FAM110B: variants seen among roughly 807,000 people sequenced by gnomAD.
FAM110B encodes the protein protein FAM110B.
In FAM110B, 6 loss-of-function variants were observed where a neutral mutation model predicts 20.4. The observed-to-expected ratio is 0.29, with a 90% CI of 0.16 to 0.58. The LOEUF is 0.58. FAM110B is among the 20% of genes least tolerant of loss of function. FAM110B has a pLI of 0.90. For missense variants in FAM110B, 434 were observed against 498.2 expected (o/e 0.87, Z 1.23); for synonymous variants, 226 against 214.1 (o/e 1.06, Z -0.49).
chr8:58,115,969 T>G (rs1807199670), intron 3 of FAM110B, among the ~76,000 whole-genome samples: 1 of 152,216 alleles, frequency 6.6e-6, no homozygotes, highest in Non-Finnish European at 1.5e-5. Context: ...CCTGGCCAGT[T>G]CGTTCACTTG....
At chr8:58,029,712 C>T (rs910282660) in intron 1 of FAM110B, among the ~76,000 whole-genome samples, 1 of 152,138 alleles carries the variant, frequency 6.6e-6, no homozygotes, top group Non-Finnish European at 1.5e-5. Context: ...CCACTCTGGG[C>T]TTTCTTTTTC....
intron 1 of FAM110B, among the ~76,000 whole-genome samples, chr8:58,009,388 A>G (rs963433324): frequency 2.0e-5 from 3 of 152,232 alleles, no homozygotes; most frequent in African/African-American, 7.2e-5. Flanking sequence ...TTCACTGTAC[A>G]GTGTAGGGGC....
intron 3 of FAM110B, among the ~76,000 whole-genome samples, chr8:58,088,383 T>G (rs907323074): frequency 6.6e-6 from 1 of 152,208 alleles, no homozygotes; most frequent in Admixed American, 6.5e-5. Flanking sequence ...ATATATCTAG[T>G]TTAAAACTCC....
chr8:58,038,993 A>G (rs933481135), intron 2 of FAM110B, among the ~76,000 whole-genome samples: 2 of 152,244 alleles, frequency 1.3e-5, no homozygotes, highest in African/African-American at 2.4e-5. Context: ...TGAGAAGCAC[A>G]TAGTTAAGCC....
rs200432395 is a variant in FAM110B, at chr8:58,041,936, TC to T, written c.-414+10234del. Among the ~76,000 whole-genome samples, 492 of 152,354 alleles carry T rather than the reference TC, an allele frequency of 3.2e-3. 4 individuals are homozygous for T. Among genetic ancestry groups the T allele is most frequent in the African/African-American group, 0.011 (459 of 41,576 alleles). On this transcript the variant is annotated intron_variant, in intron 2 of 3. Coordinates refer to ENST00000519262, the MANE Select transcript of FAM110B (RefSeq NM_001377989.1). ...AATTATTTCCTTGAACTCTGATTTT[TC>T]TTAGATGAAATAAGCAGGGTTCTCG... is the stretch of plus-strand genomic sequence containing the variant.
chr8:58,124,095 G>A (rs933596977), intron 3 of FAM110B, among the ~76,000 whole-genome samples: 31 of 152,206 alleles, frequency 2.0e-4, no homozygotes, highest in Admixed American at 6.5e-5. Flanking sequence ...TGTCAACCTA[G>A]TGAAGGAGAC....
Position 58,147,371 on chromosome 8 carries a change from G to C in FAM110B, c.*28G>C. On this transcript the variant is annotated 3_prime_UTR_variant, in exon 4 of 4. Coordinates refer to ENST00000519262, the MANE Select transcript of FAM110B (RefSeq NM_001377989.1). ...CAGTGCGTGGAAAGGAGGGAGCGTG[G>C]GTCTCTGTGCTTACGCAGTTGTGAA... 6.3e-7 allele frequency: 1 copy of C among 1,595,940 alleles called. No homozygotes were observed. Among genetic ancestry groups the C allele is most frequent in the Non-Finnish European group, 8.5e-7 (1 of 1,170,290 alleles).
At chr8:58,058,191 T>C (rs1805586044) in intron 2 of FAM110B, among the ~76,000 whole-genome samples, 1 of 152,216 alleles carries the variant, frequency 6.6e-6, no homozygotes, top group South Asian at 2.1e-4. Flanking sequence ...AAGAAGTAGC[T>C]GGATCTTAAT....
At chr8:58,145,023 G>T (rs75745670) in intron 3 of FAM110B, among the ~76,000 whole-genome samples, 5,965 of 152,286 alleles carry the variant, frequency 0.039, 175 homozygotes, top group Non-Finnish European at 0.056. Flanking sequence ...TTTTAGGTAT[G>T]ATTGGACACT....
chr8:57,995,280 A>G (rs1483109030), intron 1 of FAM110B, among the ~76,000 whole-genome samples: 1 of 152,046 alleles, frequency 6.6e-6, no homozygotes, highest in Non-Finnish European at 1.5e-5. Context: ...AATGGTCTCT[A>G]ATCTCGGTGT....
intron 2 of FAM110B, among the ~76,000 whole-genome samples, chr8:58,063,868 T>C (rs1056872958): frequency 1.3e-5 from 2 of 152,244 alleles, no homozygotes; most frequent in Admixed American, 6.5e-5. Flanking sequence ...TGTATTAGTC[T>C]GTGCTCGCAT....
chr8:58,022,817 A>G (rs1348992676), intron 1 of FAM110B, among the ~76,000 whole-genome samples: 1 of 152,228 alleles, frequency 6.6e-6, no homozygotes, highest in East Asian at 1.9e-4. Flanking sequence ...AGAAGGCTCC[A>G]ATTATACTTC....
chr8:58,030,830 C>T (rs1205391946), intron 1 of FAM110B, among the ~76,000 whole-genome samples: 1 of 152,142 alleles, frequency 6.6e-6, no homozygotes, highest in African/African-American at 2.4e-5. Context: ...TTAGCATTGC[C>T]AGCTGTCCCG....
At chr8:58,132,564 A>G (rs1803502218) in intron 3 of FAM110B, among the ~76,000 whole-genome samples, 1 of 152,180 alleles carries the variant, frequency 6.6e-6, no homozygotes, top group African/African-American at 2.4e-5. Context: ...CAGGCAAGTC[A>G]TTGAGACCCT....
intron 3 of FAM110B, among the ~76,000 whole-genome samples, chr8:58,118,789 A>G (rs1563376619): frequency 6.6e-6 from 1 of 152,260 alleles, no homozygotes; most frequent in South Asian, 2.1e-4. Flanking sequence ...ATAACTTCAG[A>G]TGTTATTTTG....
intron 2 of FAM110B, among the ~76,000 whole-genome samples, chr8:58,064,298 C>T (rs1416354017): frequency 6.6e-6 from 1 of 152,136 alleles, no homozygotes; most frequent in Non-Finnish European, 1.5e-5. Flanking sequence ...TATTTTTGTA[C>T]ATATCATCAA....
At chr8:58,069,011 A>C (rs951410694) in intron 2 of FAM110B, among the ~76,000 whole-genome samples, 1 of 152,232 alleles carries the variant, frequency 6.6e-6, no homozygotes, top group African/African-American at 2.4e-5. Context: ...ATAGCTTTGT[A>C]TAGAATCAAG....
chr8:58,019,263 G>A (rs578173377), intron 1 of FAM110B, among the ~76,000 whole-genome samples: 84 of 138,576 alleles, frequency 6.1e-4, no homozygotes, highest in African/African-American at 2.0e-3. Context: ...TCTTGAACCC[G>A]GGAGGTGGAG....
intron 1 of FAM110B, among the ~76,000 whole-genome samples, chr8:58,029,966 G>A (rs1185873856): frequency 6.6e-6 from 1 of 151,884 alleles, no homozygotes; most frequent in African/African-American, 2.4e-5. Flanking sequence ...CCCTTCAAAA[G>A]TGTGAGAAGG....
Sources: allele counts gnomAD v4.1 joint callset (sites outside exome capture counted in the v4.1 genomes callset), GRCh38; gene constraint gnomAD v4.1.1; transcripts MANE v1.5; gene names NCBI Gene and HGNC (gene_info 2026-07-23, HGNC 2026-07-21).